TRDN: variants seen among roughly 807,000 people sequenced by gnomAD.
The protein encoded by TRDN is triadin.
TRDN carries 161 observed loss-of-function variants against 149.7 expected under a neutral mutation model. The observed-to-expected ratio is 1.08, with a 90% CI of 0.95 to 1.23. TRDN has a LOEUF of 1.23. Ranked by LOEUF, TRDN falls within the 50% of genes most tolerant of loss-of-function variation. TRDN has a pLI of 0.00. For synonymous variants in TRDN, 294 were observed against 250.5 expected (o/e 1.17, Z -1.64); for missense variants, 896 against 823.5 (o/e 1.09, Z -1.08).
At chr6:123,351,915 G>A in intron 21 of TRDN, 1 of 984,724 alleles carries the variant, frequency 1.0e-6, no homozygotes, top group Non-Finnish European at 1.2e-6. Flanking sequence ...TTAGTGTACT[G>A]TAGCATTTTT....
intron 28 of TRDN, 25 bp downstream of exon 28, chr6:123,273,312 C>T: frequency 9.3e-7 from 1 of 1,080,852 alleles, no homozygotes. Flanking sequence ...AAAGTCTAAG[C>T]ATAAAAGATA....
chr6:123,266,277 A>G (rs188478633), intron 32 of TRDN, among the ~76,000 whole-genome samples: 1 of 28,922 alleles, frequency 3.5e-5, no homozygotes, highest in Non-Finnish European at 7.2e-5. Context: ...ATAGTAATAT[A>G]TATTATATGT....
At chr6:123,316,550 T>C in intron 23 of TRDN, 55 bp from the exon 24 acceptor site, 1 of 1,534,452 alleles carries the variant, frequency 6.5e-7, no homozygotes, top group Non-Finnish European at 9.0e-7. Flanking sequence ...AAAATAACAT[T>C]TGAAAAATAG....
intron 10 of TRDN, among the ~76,000 whole-genome samples, chr6:123,448,058 G>A (rs901285762): frequency 6.6e-6 from 1 of 152,218 alleles, no homozygotes; most frequent in Non-Finnish European, 1.5e-5. Flanking sequence ...AAAATGCAGG[G>A]GCAGAGGAAG....
intron 19 of TRDN, among the ~76,000 whole-genome samples, chr6:123,372,839 C>T (rs1486776336): frequency 1.3e-5 from 2 of 152,226 alleles, no homozygotes; most frequent in South Asian, 4.1e-4. Flanking sequence ...GTGTTGCTAT[C>T]CAATGTGTGG....
At chr6:123,387,609 T>C (rs1781956249) in intron 14 of TRDN, among the ~76,000 whole-genome samples, 1 of 152,098 alleles carries the variant, frequency 6.6e-6, no homozygotes, top group Non-Finnish European at 1.5e-5. Context: ...ATAAAAATAA[T>C]TTTAACCTTA....
chr6:123,622,291 A>C (rs531425432), intron 1 of TRDN, among the ~76,000 whole-genome samples: 4 of 138,108 alleles, frequency 2.9e-5, no homozygotes, highest in East Asian at 2.5e-4. Flanking sequence ...CATTGTAATT[A>C]TCTCTCTCTC....
chr6:123,511,094 A>G (rs926231079), intron 7 of TRDN, among the ~76,000 whole-genome samples: 2 of 152,172 alleles, frequency 1.3e-5, no homozygotes, highest in African/African-American at 4.8e-5. Context: ...TGTTTTCTTC[A>G]AGTAGTTTCA....
At chr6:123,587,514 C>T (rs532206975) in intron 1 of TRDN, among the ~76,000 whole-genome samples, 6 of 152,194 alleles carry the variant, frequency 3.9e-5, no homozygotes, top group South Asian at 4.1e-4. Context: ...GACCTGAGGT[C>T]GTAAGTGGAT....
intron 26 of TRDN, among the ~76,000 whole-genome samples, chr6:123,277,133 T>C (rs1156807605): frequency 6.6e-6 from 1 of 152,180 alleles, no homozygotes; most frequent in Admixed American, 6.6e-5. Context: ...AAATAATTTG[T>C]TTCATGTTTT....
At chr6:123,385,011 G>C (rs2114431139) in intron 14 of TRDN, among the ~76,000 whole-genome samples, 1 of 152,200 alleles carries the variant, frequency 6.6e-6, no homozygotes. Flanking sequence ...TAAGAACATT[G>C]AGGCTCCCAG....
intron 38 of TRDN, among the ~76,000 whole-genome samples, chr6:123,245,180 G>A (rs1309844907): frequency 1.3e-5 from 2 of 152,050 alleles, no homozygotes; most frequent in African/African-American, 2.4e-5. Flanking sequence ...TGAAGAAACC[G>A]CATCAACTAA....
At chr6:123,278,118 G>T (rs187604999) in intron 26 of TRDN, among the ~76,000 whole-genome samples, 200 bp downstream of exon 26, 1 of 152,128 alleles carries the variant, frequency 6.6e-6, no homozygotes, top group Admixed American at 6.6e-5. Context: ...AAATTTCTCA[G>T]ATATTTCACC....
intron 40 of TRDN, 143 bp from the exon 41 acceptor site, chr6:123,218,883 G>T: frequency 1.3e-6 from 1 of 786,668 alleles, no homozygotes; most frequent in Non-Finnish European, 2.0e-6. Flanking sequence ...ACTTCACTGT[G>T]TCTTGGAGTC....
At chr6:123,596,952 C>G (rs34851056) in intron 1 of TRDN, among the ~76,000 whole-genome samples, 3 of 152,010 alleles carry the variant, frequency 2.0e-5, no homozygotes, top group Non-Finnish European at 4.4e-5. Context: ...ACACAAAAAT[C>G]TTTTCTGTGG....
intron 40 of TRDN, among the ~76,000 whole-genome samples, 177 bp from the exon 41 acceptor site, chr6:123,218,917 G>A (rs898871141): frequency 6.6e-5 from 10 of 151,850 alleles, no homozygotes; most frequent in African/African-American, 2.2e-4. Context: ...TCAAAACAAC[G>A]AAAACCGCAC....
chr6:123,478,012 A>G (rs1777578483), intron 9 of TRDN, among the ~76,000 whole-genome samples: 2 of 152,158 alleles, frequency 1.3e-5, no homozygotes, highest in African/African-American at 2.4e-5. Flanking sequence ...TACGTATGTA[A>G]CTAACCTGCA....
chr6:123,349,720 C>A, intron 21 of TRDN: 1 of 980,884 alleles, frequency 1.0e-6, no homozygotes, highest in Non-Finnish European at 1.2e-6. Flanking sequence ...TCAGGGAAAT[C>A]ATTACTCTTA....
chr6:123,235,787 C>T (rs1775765445), intron 38 of TRDN, among the ~76,000 whole-genome samples: 1 of 152,132 alleles, frequency 6.6e-6, no homozygotes, highest in African/African-American at 2.4e-5. Context: ...ATCTCATATG[C>T]ATGAAAACTT....
Sources: allele counts gnomAD v4.1 joint callset (sites outside exome capture counted in the v4.1 genomes callset), GRCh38; gene constraint gnomAD v4.1.1; transcripts MANE v1.5; gene names NCBI Gene and HGNC (gene_info 2026-07-23, HGNC 2026-07-21).